STMN1: variants seen among roughly 807,000 people sequenced by gnomAD.
STMN1 encodes the protein stathmin.
In STMN1, 3 loss-of-function variants were observed where a neutral mutation model predicts 19.7. The ratio of observed to expected loss-of-function variants is 0.15; its 90% CI spans 0.07 to 0.39. STMN1 has a LOEUF of 0.39. STMN1 is among the 10% of genes least tolerant of loss of function. The pLI is 1.00. For missense variants in STMN1, 99 were observed against 176.0 expected, an observed-to-expected ratio of 0.56 and a Z score of 2.48; for synonymous variants, 59 against 58.9, an observed-to-expected ratio of 1.00 and a Z score of -0.01.
At chr1:25,888,170 T>C (rs1026344573) in intron 4 of STMN1, among the ~76,000 whole-genome samples, 1 of 152,110 alleles carries the variant, frequency 6.6e-6, no homozygotes, top group African/African-American at 2.4e-5. Flanking sequence ...CCGTCAGAGG[T>C]AGAACACAGC....
chr1:25,887,406 G>T, intron 4 of STMN1: 1 of 338,850 alleles, frequency 3.0e-6, no homozygotes, highest in South Asian at 3.1e-5. Flanking sequence ...GGGTTAACAG[G>T]AAAGCCGGTG....
At chr1:25,906,432 A>C (rs1349578422), upstream of STMN1, 6 of 153,502 alleles carry the variant, frequency 3.9e-5, no homozygotes, top group African/African-American at 1.5e-4. The surrounding 1 kb of genome is among the most constrained non-coding windows in gnomAD (Gnocchi z 4.5). Flanking sequence ...GCACCAACAG[A>C]CCCGGGCGCG....
rs947139074 is a variant in STMN1, at chr1:25,887,406, G to C, written c.379-1537C>G. On this transcript the variant is annotated intron_variant, in intron 4 of 4. Transcript: ENST00000426559. ...GAAGCTTTCCTCAGTGGGTTAACAG[G>C]AAAGCCGGTGATGCTGAAACAAAGT... The C allele has an allele frequency of 1.8e-5, 6 of 338,732 alleles. No homozygotes were observed. The South Asian group carries it at 1.9e-4, about 11-fold the overall frequency. 21.0% of individuals were successfully genotyped at this position (338,732 alleles called of 1,614,324 possible).
At position 25,906,257 on chromosome 1, in the gene STMN1, C is replaced by T. The variant is rs1033578878; in HGVS notation, c.-63+132G>A. The T allele has an allele frequency of 2.4e-5, 3 of 122,686 alleles. No individual in the cohort carries two copies. The highest frequency in any genetic ancestry group is 6.3e-5 in the African/African-American group (2 of 31,674). The allele number at this position is 122,686 out of a possible 1,614,324, so 7.6% of individuals were successfully genotyped here. On this transcript the variant is annotated intron_variant, in intron 1 of 4. Coordinates refer to ENST00000455785, the MANE Select transcript of STMN1 (RefSeq NM_005563.4). This position sits in a 1 kb window ranked among gnomAD's most constrained non-coding sequence, Gnocchi z 4.5. ...AAGCGGAGCGACCCCCGCCCACCAA[C>T]CCCTCCGAGGCCCGCAGCCCCGCCC... is the stretch of plus-strand genomic sequence containing the variant.
intron 4 of STMN1, 52 bp from the exon 5 acceptor site, chr1:25,901,139 A>AG (rs1553128989): frequency 1.3e-6 from 2 of 1,513,908 alleles, no homozygotes; most frequent in Non-Finnish European, 1.8e-6. Context: ...AAAAAAAAAA[A>AG]GCCTGTCAAG....
chr1:25,897,397 T>A (rs1476023258), downstream of STMN1, among the ~76,000 whole-genome samples: 3 of 151,756 alleles, frequency 2.0e-5, no homozygotes, highest in Non-Finnish European at 4.4e-5. Context: ...TTCAAACAAA[T>A]GAATTCGCAG....
intron 1 of STMN1, 196 bp from the exon 2 acceptor site, chr1:25,904,934 T>C (rs1190426723): frequency 7.6e-6 from 3 of 396,420 alleles, no homozygotes; most frequent in Non-Finnish European, 1.3e-5. Context: ...ATGATATTGG[T>C]TCCAGAAAAT....
At position 25,904,686 on chromosome 1, in the gene STMN1, A is replaced by C. The variant is rs778450025; in HGVS notation, c.-10T>G. ...TACCAGAAGAAGCCATGGTGAATAG[A>C]AGACAAGCGACAGGCAGTGTATTCT... On this transcript the variant is annotated 5_prime_UTR_variant, in exon 2 of 5. Transcript: ENST00000455785. The C allele has an allele frequency of 1.2e-6, 2 of 1,613,806 alleles. No homozygotes were observed. The highest frequency in any genetic ancestry group is 3.3e-5 in the Admixed American group (2 of 59,922).
chr1:25,896,257 T>C (rs1287965226), downstream of STMN1, among the ~76,000 whole-genome samples: 1 of 152,170 alleles, frequency 6.6e-6, no homozygotes, highest in African/African-American at 2.4e-5. Context: ...ATAGGGCTGT[T>C]CTGGGGATTC....
intron 4 of STMN1, 89 bp from the exon 5 acceptor site, chr1:25,901,176 G>A (rs1365343079): frequency 5.2e-6 from 8 of 1,532,868 alleles, no homozygotes; most frequent in Admixed American, 2.2e-5. Flanking sequence ...CCACCTCAAA[G>A]AGGCCCAACA....
chr1:25,887,760 C>G (rs900577522), intron 4 of STMN1: 1 of 166,386 alleles, frequency 6.0e-6, no homozygotes, highest in Non-Finnish European at 1.3e-5. Flanking sequence ...AATCTTGGCT[C>G]ACTGTAACCT....
At chr1:25,885,452 C>A in exon 5 of STMN1, 1 of 294,576 alleles carries the variant, frequency 3.4e-6, no homozygotes. Flanking sequence ...GCTCTCAGAG[C>A]AACTGGTCTG....
downstream of STMN1, among the ~76,000 whole-genome samples, chr1:25,896,843 G>C (rs1345816366): frequency 6.6e-6 from 1 of 152,202 alleles, no homozygotes; most frequent in Non-Finnish European, 1.5e-5. Context: ...AGTGTCAAGA[G>C]ACTTGGCTCA....
At chr1:25,897,322 A>G (rs918462093), downstream of STMN1, among the ~76,000 whole-genome samples, 14 of 143,906 alleles carry the variant, frequency 9.7e-5, 1 homozygote, top group African/African-American at 2.2e-4. Flanking sequence ...AAAAAAAAAA[A>G]AAAAGAAAAG....
intron 4 of STMN1, among the ~76,000 whole-genome samples, chr1:25,889,937 C>T (rs895212758): frequency 6.6e-6 from 1 of 152,222 alleles, no homozygotes; most frequent in Non-Finnish European, 1.5e-5. Flanking sequence ...CAGGAACACA[C>T]TGCACCTGCC....
At chr1:25,895,511 C>T (rs1051206071), downstream of STMN1, among the ~76,000 whole-genome samples, 2 of 152,106 alleles carry the variant, frequency 1.3e-5, no homozygotes, top group South Asian at 2.1e-4. Flanking sequence ...AGGGGCAGGG[C>T]GGATCCAGCG....
chr1:25,892,657 TGGGCCTCTAAACCAAACGCCCCC>T (rs1198747074), intron 4 of STMN1: 7 of 971,076 alleles, frequency 7.2e-6, no homozygotes, highest in African/African-American at 3.5e-5. Context: ...GAAAGCCTGC[TGGGCCTCTAAACCAAACGCCCCC>T]GGGCCTCTCA....
intron 1 of STMN1, 92 bp from the exon 2 acceptor site, chr1:25,904,830 C>A: frequency 1.2e-6 from 1 of 816,172 alleles, no homozygotes; most frequent in South Asian, 2.6e-5. Flanking sequence ...CTACATACAT[C>A]GTCAGAAAAA....
chr1:25,895,329 A>G (rs2048810230), downstream of STMN1, among the ~76,000 whole-genome samples: 1 of 151,452 alleles, frequency 6.6e-6, no homozygotes, highest in African/African-American at 2.4e-5. Flanking sequence ...GATGGTCTCA[A>G]TTTCCTGACC....
Sources: gnomAD v4.1 joint callset for allele counts (sites outside exome capture counted in the v4.1 genomes callset) on GRCh38, gnomAD v4.1.1 for gene constraint, Gnocchi (gnomAD v3.1) non-coding constraint, MANE v1.5 for transcripts, NCBI Gene and HGNC (gene_info 2026-07-23, HGNC 2026-07-21) for gene names.